The following EXOC6B variants were observed in gnomAD, a reference collection of about 807,000 sequenced individuals.
EXOC6B encodes the protein SEC15 homolog B.
In EXOC6B, 54 loss-of-function variants were observed where a neutral mutation model predicts 113.5. The ratio of observed to expected loss-of-function variants is 0.48; its 90% CI spans 0.38 to 0.60. EXOC6B has a LOEUF of 0.60. Among genes scored for constraint, EXOC6B ranks in the 20% least tolerant of loss-of-function variants. EXOC6B has a pLI of 0.00. For missense variants in EXOC6B, 797 were observed against 977.5 expected (o/e 0.82, Z 2.46); for synonymous variants, 357 against 339.0 (o/e 1.05, Z -0.58).
At position 72,731,261 on chromosome 2, in the gene EXOC6B, A is replaced by G. The variant is rs1680630234; in HGVS notation, c.328-16T>C. ...CTATTACCAGCTTGGCAAGAGGGAA[A>G]AAGACTGAATTATGCCTATGGCTGT... On this transcript the variant is annotated splice_polypyrimidine_tract_variant and intron_variant, in intron 3 of 21. Transcript: ENST00000272427. 1 of 1,595,516 alleles carries G rather than the reference A, an allele frequency of 6.3e-7. No individual in the cohort carries two copies. The highest frequency in any genetic ancestry group is 1.3e-5 in the African/African-American group (1 of 74,440).
intron 20 of EXOC6B, among the ~76,000 whole-genome samples, chr2:72,257,494 A>G (rs368878616): frequency 1.3e-4 from 20 of 152,154 alleles, no homozygotes; most frequent in African/African-American, 4.1e-4. Flanking sequence ...AGAAGGAAAA[A>G]CCACTATTAA....
At chr2:72,586,656 G>A (rs187604498) in intron 6 of EXOC6B, among the ~76,000 whole-genome samples, 4 of 152,188 alleles carry the variant, frequency 2.6e-5, no homozygotes, top group African/African-American at 9.6e-5. Flanking sequence ...GAAGGCTGAG[G>A]CAGGAGAATG....
At chr2:72,696,416 C>T (rs1481369701) in intron 6 of EXOC6B, among the ~76,000 whole-genome samples, 1 of 152,156 alleles carries the variant, frequency 6.6e-6, no homozygotes, top group African/African-American at 2.4e-5. Context: ...ATTATAATAA[C>T]GGTCCCCAGT....
chr2:72,373,314 C>T (rs1483511146), intron 19 of EXOC6B, among the ~76,000 whole-genome samples: 5 of 152,084 alleles, frequency 3.3e-5, no homozygotes, highest in Non-Finnish European at 5.9e-5. Context: ...CTCAGCCTCC[C>T]AAAGTGCTAG....
intron 18 of EXOC6B, among the ~76,000 whole-genome samples, chr2:72,433,109 T>C (rs1378429122): frequency 1.3e-5 from 2 of 152,228 alleles, no homozygotes. Context: ...AGGGGTCCAG[T>C]ATCAGTTTTC....
At chr2:72,207,603 T>C (rs1679912382) in intron 20 of EXOC6B, among the ~76,000 whole-genome samples, 1 of 152,214 alleles carries the variant, frequency 6.6e-6, no homozygotes, top group African/African-American at 2.4e-5. Context: ...GGAAGCAGAA[T>C]TCTAGGTCAA....
intron 8 of EXOC6B, among the ~76,000 whole-genome samples, chr2:72,540,420 A>T (rs983425454): frequency 6.6e-6 from 1 of 152,202 alleles, no homozygotes; most frequent in Non-Finnish European, 1.5e-5. Context: ...CATATGCTGT[A>T]TCATTTGCTC....
At chr2:72,243,396 T>C (rs1433672549) in intron 20 of EXOC6B, among the ~76,000 whole-genome samples, 2 of 152,158 alleles carry the variant, frequency 1.3e-5, no homozygotes, top group Non-Finnish European at 2.9e-5. Context: ...ATATACACCA[T>C]GGAATACTAT....
At chr2:72,718,378 T>C (rs1679775467) in intron 5 of EXOC6B, 71 bp from the exon 6 acceptor site, 6 of 1,351,850 alleles carry the variant, frequency 4.4e-6, no homozygotes, top group East Asian at 4.7e-5. Flanking sequence ...CTAGCCTGAA[T>C]TGGTTTTCAC....
intron 1 of EXOC6B, among the ~76,000 whole-genome samples, chr2:72,770,316 A>G (rs948454342): frequency 6.7e-6 from 1 of 148,326 alleles, no homozygotes; most frequent in Non-Finnish European, 1.5e-5. Flanking sequence ...ATCTTATACC[A>G]GTAACTGTGA....
At chr2:72,286,844 C>A (rs907411828) in intron 20 of EXOC6B, among the ~76,000 whole-genome samples, 1 of 151,890 alleles carries the variant, frequency 6.6e-6, no homozygotes, top group African/African-American at 2.4e-5. Flanking sequence ...AGATACCTAG[C>A]AAATCCAAAA....
intron 5 of EXOC6B, among the ~76,000 whole-genome samples, chr2:72,729,029 A>G (rs1680476471): frequency 6.6e-6 from 1 of 152,212 alleles, no homozygotes; most frequent in South Asian, 2.1e-4. Context: ...CAGAACCAAG[A>G]GTAATGCCTA....
intron 1 of EXOC6B, among the ~76,000 whole-genome samples, chr2:72,805,923 C>G (rs1470409058): frequency 2.0e-5 from 3 of 152,152 alleles, no homozygotes; most frequent in East Asian, 3.8e-4. Context: ...TAGCATAATT[C>G]CTTCCAGGTT....
intron 18 of EXOC6B, among the ~76,000 whole-genome samples, chr2:72,397,539 G>A (rs957777160): frequency 1.3e-5 from 2 of 150,796 alleles, no homozygotes; most frequent in African/African-American, 2.5e-5. Context: ...AGAATCGCTT[G>A]AGCCCAGGAG....
chr2:72,203,100 C>T (rs892485612), intron 20 of EXOC6B, among the ~76,000 whole-genome samples: 2 of 152,228 alleles, frequency 1.3e-5, no homozygotes, highest in African/African-American at 4.8e-5. Flanking sequence ...TCAGCAAATA[C>T]TGGCGATGAT....
chr2:72,514,733 A>G, intron 9 of EXOC6B, 53 bp from the exon 10 acceptor site: 2 of 1,165,870 alleles, frequency 1.7e-6, no homozygotes, highest in Non-Finnish European at 2.4e-6. Context: ...TTACATTAAG[A>G]CTAAGTTAAA....
intron 20 of EXOC6B, among the ~76,000 whole-genome samples, chr2:72,317,150 TG>T (rs1687561837): frequency 7.1e-6 from 1 of 141,242 alleles, no homozygotes. Context: ...ATGATAATTG[TG>T]GTTTGTTTTT....
chr2:72,819,981 G>A (rs571168538), intron 1 of EXOC6B, among the ~76,000 whole-genome samples: 3 of 152,164 alleles, frequency 2.0e-5, no homozygotes, highest in East Asian at 3.9e-4. Context: ...AAAGTGTCAC[G>A]AACCAAGGAT....
At chr2:72,455,586 C>T (rs1046980369) in intron 18 of EXOC6B, among the ~76,000 whole-genome samples, 3 of 152,112 alleles carry the variant, frequency 2.0e-5, no homozygotes, top group African/African-American at 7.2e-5. Flanking sequence ...GATTCACTAA[C>T]TCTAGATGAA....
Sources: allele counts gnomAD v4.1 joint callset (sites outside exome capture counted in the v4.1 genomes callset), GRCh38; gene constraint gnomAD v4.1.1; transcripts MANE v1.5; gene names NCBI Gene and HGNC (gene_info 2026-07-23, HGNC 2026-07-21).